The following ATR variants were observed in gnomAD, a reference collection of about 807,000 sequenced individuals.
ATR encodes the protein serine/threonine-protein kinase ATR.
ATR carries 142 observed loss-of-function variants against 305.3 expected under a neutral mutation model. That is an observed-to-expected ratio of 0.47 (90% CI 0.41 to 0.53). The LOEUF is 0.53. Among genes scored for constraint, ATR ranks in the 20% least tolerant of loss-of-function variants. The probability of loss-of-function intolerance (pLI) is 0.00; values close to 1 mark genes in which losing one functional copy is unlikely to be tolerated. For synonymous variants in ATR, 1,050 were observed against 1,068.1 expected, an observed-to-expected ratio of 0.98 and a Z score of 0.33; for missense variants, 2,135 against 3,133.1, an observed-to-expected ratio of 0.68 and a Z score of 7.60.
At chr3:142,481,614 C>T (rs907430700) in intron 36 of ATR, among the ~76,000 whole-genome samples, 1 of 152,044 alleles carries the variant, frequency 6.6e-6, no homozygotes, top group Non-Finnish European at 1.5e-5. Context: ...ATATAGCCTC[C>T]CACATAGCTG....
chr3:142,524,350 G>A lies in ATR; in HGVS notation c.3946-151C>T, dbSNP rs1046251186. 5.6e-6 allele frequency: 4 copies of A among 712,440 alleles called. No homozygotes were observed. The African/African-American group carries it at 7.1e-5, about 13-fold the overall frequency. The allele number at this position is 712,440 out of a possible 1,614,324, so 44.1% of individuals were successfully genotyped here. A position where few individuals can be genotyped will look rare whatever the true frequency, so the allele number is the denominator to read the frequency against. ...TCTGCAATTTTTTCAGCTAGTTTTT[G>A]ATGAGTTCACATAATATAGTTCAAC... On this transcript the variant is annotated intron_variant, in intron 21 of 46. Transcript: ENST00000350721.
At chr3:142,450,752 A>G in intron 46 of ATR, 1 of 1,526,268 alleles carries the variant, frequency 6.6e-7, no homozygotes, top group Non-Finnish European at 8.8e-7. Context: ...GCAGGTCTTC[A>G]GCACCCTAAT....
chr3:142,500,137 T>C, intron 30 of ATR: 1 of 180,718 alleles, frequency 5.5e-6, no homozygotes, highest in Non-Finnish European at 1.2e-5. Flanking sequence ...CTGAATTAAA[T>C]TTAAGACAAA....
At chr3:142,545,390 CT>C (rs1174820224) in intron 16 of ATR, among the ~76,000 whole-genome samples, 11 of 152,106 alleles carry the variant, frequency 7.2e-5, no homozygotes, top group Middle Eastern at 3.4e-3. Flanking sequence ...CATCCAGGGC[CT>C]AGGTCTCGAA....
intron 7 of ATR, 58 bp downstream of exon 7, chr3:142,559,193 T>C (rs2034790883): frequency 1.9e-6 from 3 of 1,560,198 alleles, no homozygotes; most frequent in Non-Finnish European, 2.6e-6. Context: ...AAAGAAAGCA[T>C]ATTTCTATAC....
rs886615131 is a variant in ATR at position 142,512,430 on chromosome 3, T to C, written c.4682A>G (p.Gln1561Arg). The C allele has an allele frequency of 6.2e-7, 1 of 1,613,642 alleles. No homozygotes were observed. The highest frequency in any genetic ancestry group is 8.5e-7 in the Non-Finnish European group (1 of 1,179,638). Residue 1561 changes from glutamine (Q) to arginine (R), a missense_variant, in exon 27 of 47, where the codon CAG becomes CGG. This residue lies in a region of ATR where 202 missense variants were observed against 252.9 expected (regional missense o/e 0.80). Coordinates refer to ENST00000350721, the MANE Select transcript of ATR (RefSeq NM_001184.4). ...AATGTCTTGGGTATTTATGGTATGC[T>C]GATCGTCATGCTTTAGAACTGCCAT... Reference protein sequence around the residue: ...EIMAVLKHDDQHTINTQDIAS... With the variant: ...EIMAVLKHDDRHTINTQDIAS...
Position 142,578,711 on chromosome 3 carries a change from G to A in ATR, c.-7C>T. ...CCAGGCCATGTTCCCCCATGCTGAG[G>A]CTGCGAGGCACTAGTCAACCACGCC... On this transcript the variant is annotated 5_prime_UTR_variant, in exon 1 of 47. Transcript: ENST00000350721. 1 of 1,612,250 alleles carries A rather than the reference G, an allele frequency of 6.2e-7. No homozygotes were observed. Among genetic ancestry groups the A allele is most frequent in the African/African-American group, 1.3e-5 (1 of 74,310 alleles).
intron 23 of ATR, among the ~76,000 whole-genome samples, chr3:142,520,086 T>C (rs1021392569): frequency 3.2e-4 from 48 of 152,334 alleles, no homozygotes; most frequent in African/African-American, 1.0e-3. Context: ...TTTTCATTAT[T>C]ACTATATCTG....
rs773596809 is a variant in ATR, at chr3:142,449,386, A to G, written c.*43T>C. On this transcript the variant is annotated 3_prime_UTR_variant, in exon 47 of 47. Coordinates refer to ENST00000350721, the MANE Select transcript of ATR (RefSeq NM_001184.4). ...ACAACCACAGATTCATACCAAATGC[A>G]TTACTTTTAGATTATTAACATATTC... 7.1e-6 allele frequency: 11 copies of G among 1,545,590 alleles called. No homozygotes were observed. The East Asian group carries it at 1.8e-4, about 25-fold the overall frequency.
intron 36 of ATR, among the ~76,000 whole-genome samples, chr3:142,473,476 A>T (rs572936947): frequency 6.6e-6 from 1 of 151,604 alleles, no homozygotes; most frequent in Non-Finnish European, 1.5e-5. Context: ...TACTAATGTC[A>T]TACTGTTTTG....
Position 142,515,518 on chromosome 3 carries a change from G to GT in ATR, c.4383-4dup. ...TTGACTTCTGAGAACTCTTGTATCT[G>GT]TAATTTTGAAAATTTGTTTATTAAA... On this transcript the variant is annotated splice_polypyrimidine_tract_variant and splice_region_variant and intron_variant, in intron 24 of 46. Transcript: ENST00000350721. 6.2e-7 allele frequency: 1 copy of GT among 1,608,578 alleles called. No individual in the cohort carries two copies. The highest frequency in any genetic ancestry group is 2.2e-5 in the East Asian group (1 of 44,764).
At chr3:142,450,328 G>A (rs562816851) in intron 46 of ATR, 14 of 1,153,660 alleles carry the variant, frequency 1.2e-5, no homozygotes, top group Non-Finnish European at 1.5e-5. Flanking sequence ...TGAGCCATGT[G>A]CGTGAACCAA....
At chr3:142,452,057 A>T in intron 46 of ATR, 2 of 1,022,740 alleles carry the variant, frequency 2.0e-6, no homozygotes, top group Non-Finnish European at 2.4e-6. Context: ...ACAGATGAAG[A>T]TAATAGAGCA....
At chr3:142,541,773 G>T (rs62276443) in intron 17 of ATR, among the ~76,000 whole-genome samples, 1 of 152,128 alleles carries the variant, frequency 6.6e-6, no homozygotes, top group Non-Finnish European at 1.5e-5. Flanking sequence ...AATAGTAGTT[G>T]GTTGGGGGAT....
chr3:142,558,608 T>C lies in ATR; in HGVS notation c.1885+16A>G. 4 of 1,604,962 alleles carry C rather than the reference T, an allele frequency of 2.5e-6. No individual in the cohort carries two copies. Among genetic ancestry groups the C allele is most frequent in the Non-Finnish European group, 3.4e-6 (4 of 1,173,722 alleles). ...TAAATAAAACAAACCACACACACAT[T>C]CTTGTGAGCACTTACAATAGCTATC... On this transcript the variant is annotated intron_variant, in intron 8 of 46. Transcript: ENST00000350721.
chr3:142,556,687 A>C (rs1407303875), intron 8 of ATR, 112 bp from the exon 9 acceptor site: 2 of 1,023,638 alleles, frequency 2.0e-6, no homozygotes, highest in African/African-American at 3.3e-5. Flanking sequence ...TATAAATAAA[A>C]GTCAAGTAAC....
chr3:142,567,156 T>C (rs1440174871), intron 2 of ATR, among the ~76,000 whole-genome samples: 1 of 152,084 alleles, frequency 6.6e-6, no homozygotes, highest in Non-Finnish European at 1.5e-5. Context: ...AATGCTAAAA[T>C]CTAAGGATTA....
rs2108270858 is a variant in ATR, at chr3:142,465,108, A to G, written c.7030T>C (p.Leu2344=). 1 of 1,525,684 alleles carries G rather than the reference A, an allele frequency of 6.6e-7. No individual in the cohort carries two copies. Among genetic ancestry groups the G allele is most frequent in the Non-Finnish European group, 8.8e-7 (1 of 1,134,204 alleles). The allele number at this position is 1,525,684 out of a possible 1,614,324, so 94.5% of individuals were successfully genotyped here. The change falls in exon 41 of 47, where the codon TTG becomes CTG. Residue 2344 remains leucine, a synonymous_variant. Transcript: ENST00000350721. ...AACTATCTCCCAACCTTATTAATCA[A>G]GGAATTGAATTCCATTAGTCTACAA... ...KDCRLMEFNS[L]INKCLRKDAE...
At chr3:142,574,276 G>T (rs1256839704) in intron 1 of ATR, among the ~76,000 whole-genome samples, 1 of 151,794 alleles carries the variant, frequency 6.6e-6, no homozygotes, top group Non-Finnish European at 1.5e-5. Flanking sequence ...ACCAGCCTGG[G>T]CAACATGGTG....
Sources: gnomAD v4.1 joint callset for allele counts (sites outside exome capture counted in the v4.1 genomes callset) on GRCh38, gnomAD v4.1.1 for gene constraint, gnomAD v4.1.1 regional missense constraint, MANE v1.5 for transcripts, NCBI Gene and HGNC (gene_info 2026-07-23, HGNC 2026-07-21) for gene names.